SLC25A42: variants seen among roughly 807,000 people sequenced by gnomAD.
SLC25A42 encodes solute carrier family 25 member 42.
A neutral mutation model predicts 34.7 loss-of-function variants in SLC25A42; 19 were observed. The ratio of observed to expected loss-of-function variants is 0.55; its 90% CI spans 0.38 to 0.80. SLC25A42 has a LOEUF of 0.80. Ranked by LOEUF, SLC25A42 falls within the 30% of genes least tolerant of loss-of-function variation. The pLI, the probability that SLC25A42 is intolerant of heterozygous loss-of-function variation, is 0.00. For synonymous variants in SLC25A42, 205 were observed against 191.2 expected (o/e 1.07, Z -0.59); for missense variants, 364 against 441.3 (o/e 0.82, Z 1.57).
intron 2 of SLC25A42, among the ~76,000 whole-genome samples, chr19:19,099,299 TC>T (rs1439505644): frequency 6.6e-6 from 1 of 152,008 alleles, no homozygotes; most frequent in East Asian, 1.9e-4. Flanking sequence ...GTGCAATCTG[TC>T]CCTTTGAGGA....
intron 1 of SLC25A42, among the ~76,000 whole-genome samples, chr19:19,093,825 C>T (rs868012067): frequency 1.3e-5 from 2 of 152,144 alleles, no homozygotes; most frequent in South Asian, 2.1e-4. Flanking sequence ...TTACAGGTGC[C>T]TGCCACCATG....
rs1053291902 is a variant in SLC25A42, at chr19:19,112,641, C to T, written c.*1765C>T. On this transcript the variant is annotated 3_prime_UTR_variant, in exon 8 of 8. Coordinates refer to ENST00000318596, the MANE Select transcript of SLC25A42 (RefSeq NM_178526.5). This position sits in a 1 kb window ranked among gnomAD's most constrained non-coding sequence, Gnocchi z 4.3. ...GGAGGGTCCCCCAGTCCCTGCTGAC[C>T]CCAGTGTGTCTCCCCGGAGATGGCT... 1 of 152,842 alleles carries T rather than the reference C, an allele frequency of 6.5e-6. No homozygotes were observed. The highest frequency in any genetic ancestry group is 3.4e-3 in the Middle Eastern group (1 of 294). 9.5% of individuals were successfully genotyped at this position (152,842 alleles called of 1,614,324 possible).
Position 19,110,633 on chromosome 19 carries a change from C to T in SLC25A42, c.714C>T (p.Leu238=), listed in dbSNP as rs1000466347. 3.4e-5 allele frequency: 52 copies of T among 1,539,070 alleles called. No individual in the cohort carries two copies. Among genetic ancestry groups the T allele is most frequent in the Non-Finnish European group, 4.1e-5 (47 of 1,143,886 alleles). Reference sequence around the variant, plus strand: ...TGATCTTCGGCGCCTGCGCTGGCCTCATCGGGCAGTCGGCCTCGTACCCGC... The same window carrying T: ...TGATCTTCGGCGCCTGCGCTGGCCTTATCGGGCAGTCGGCCTCGTACCCGC... The part of the protein sequence containing the change: ...ERMIFGACAG[L]IGQSASYPLD... Residue 238 remains leucine, a synonymous_variant, in exon 8 of 8, where the codon CTC becomes CTT. Coordinates refer to ENST00000318596, the MANE Select transcript of SLC25A42 (RefSeq NM_178526.5).
intron 1 of SLC25A42, among the ~76,000 whole-genome samples, chr19:19,089,568 A>G (rs1321883809): frequency 2.0e-5 from 3 of 149,870 alleles, no homozygotes; most frequent in Non-Finnish European, 4.4e-5. Context: ...TTATATATAT[A>G]AAAATCAGAT....
Position 19,081,621 on chromosome 19 carries a change from A to G in SLC25A42, c.-34-14470A>G, listed in dbSNP as rs1599670532. On this transcript the variant is annotated intron_variant, in intron 1 of 7. Coordinates refer to ENST00000318596, the MANE Select transcript of SLC25A42 (RefSeq NM_178526.5). The surrounding 1 kb of genome is among the most constrained non-coding windows in gnomAD (Gnocchi z 4.5). ...ATGGGAACTGGGGCTTCCTCCCCGA[A>G]CCCATCCAAGCCTCCCTGTCCCAGG... Among the ~76,000 whole-genome samples the G allele has an allele frequency of 6.6e-6, 1 of 151,904 alleles. No homozygotes were observed.
chr19:19,083,771 C>T (rs569793311), intron 1 of SLC25A42, among the ~76,000 whole-genome samples: 2 of 152,140 alleles, frequency 1.3e-5, no homozygotes, highest in Non-Finnish European at 2.9e-5. Flanking sequence ...GGGTACCTCA[C>T]TCCTGCATAC....
intron 1 of SLC25A42, among the ~76,000 whole-genome samples, chr19:19,074,684 T>TGA (rs892959254): frequency 2.6e-5 from 4 of 152,004 alleles, no homozygotes; most frequent in African/African-American, 9.7e-5. Flanking sequence ...TGTGTGTGTG[T>TGA]GACAGTGTGT....
In SLC25A42 at chr19:19,106,523, T is replaced by C. The variant is rs1215469794; in HGVS notation, c.497+138T>C. ...GTGTCCACAGGGCAGGCCTGATGTG[T>C]CATTCTGCAGCTGTTCCAGAAAGGC... On this transcript the variant is annotated intron_variant, in intron 6 of 7. Transcript: ENST00000318596. 33 of 607,890 alleles carry C rather than the reference T, an allele frequency of 5.4e-5. No homozygotes were observed. The East Asian group carries it at 6.9e-4, about 13-fold the overall frequency. 37.7% of individuals were successfully genotyped at this position (607,890 alleles called of 1,614,324 possible).
chr19:19,092,356 C>T (rs2059742652), intron 1 of SLC25A42, among the ~76,000 whole-genome samples: 1 of 152,234 alleles, frequency 6.6e-6, no homozygotes, highest in Non-Finnish European at 1.5e-5. Flanking sequence ...GCTCTGTCAC[C>T]TGCAGGGCCT....
At chr19:19,074,696 TGAGA>T (rs544605351) in intron 1 of SLC25A42, among the ~76,000 whole-genome samples, 2 of 151,914 alleles carry the variant, frequency 1.3e-5, no homozygotes, top group Admixed American at 6.6e-5. Flanking sequence ...ACAGTGTGTG[TGAGA>T]GAGTGTGTGT....
At chr19:19,066,515 C>G (rs993293633) in intron 1 of SLC25A42, among the ~76,000 whole-genome samples, 9 of 147,762 alleles carry the variant, frequency 6.1e-5, no homozygotes, top group African/African-American at 2.3e-4. Context: ...GTGGCGCGAT[C>G]TCGGCTCACT....
intron 1 of SLC25A42, among the ~76,000 whole-genome samples, chr19:19,089,559 T>C (rs2059727002): frequency 7.1e-6 from 1 of 141,828 alleles, no homozygotes; most frequent in Non-Finnish European, 1.5e-5. Flanking sequence ...AATAATAAAT[T>C]ATATATATAA....
chr19:19,086,636 C>CT (rs1439987535), intron 1 of SLC25A42, among the ~76,000 whole-genome samples: 2 of 151,750 alleles, frequency 1.3e-5, no homozygotes, highest in African/African-American at 4.8e-5. Context: ...GGGGGTTTTG[C>CT]TTTTTTTGTT....
At chr19:19,093,366 C>T (rs1405429675) in intron 1 of SLC25A42, among the ~76,000 whole-genome samples, 1 of 152,184 alleles carries the variant, frequency 6.6e-6, no homozygotes, top group Non-Finnish European at 1.5e-5. Context: ...ACCAAGTTCC[C>T]CGACACCGCA....
Position 19,104,848 on chromosome 19 carries a change from G to A in SLC25A42, c.188-65G>A. 6 of 1,592,874 alleles carry A rather than the reference G, an allele frequency of 3.8e-6. No individual in the cohort carries two copies. In the South Asian group the frequency reaches 5.5e-5, roughly 15 times the overall value. On this transcript the variant is annotated intron_variant, in intron 3 of 7. Transcript: ENST00000318596. ...CTCTGCTAGTGGGTGCCAGGGGTGG[G>A]GCCACGCAGATGGGAGGTTCTGTCC... is the stretch of plus-strand genomic sequence containing the variant.
intron 1 of SLC25A42, among the ~76,000 whole-genome samples, chr19:19,091,275 G>A (rs1222227508): frequency 6.6e-6 from 1 of 152,020 alleles, no homozygotes; most frequent in Non-Finnish European, 1.5e-5. Flanking sequence ...TGGCCAACAT[G>A]GTGAAACCCT....
chr19:19,077,276 C>T (rs1019164331), intron 1 of SLC25A42, among the ~76,000 whole-genome samples: 1 of 152,208 alleles, frequency 6.6e-6, no homozygotes, highest in Non-Finnish European at 1.5e-5. Context: ...AGTACATTCA[C>T]ACTGTTGTGC....
intron 7 of SLC25A42, among the ~76,000 whole-genome samples, chr19:19,108,551 GA>G (rs59371889): frequency 1 from 146,048 of 146,704 alleles, 72,697 homozygotes; most frequent in Middle Eastern, 1. Flanking sequence ...CCTGTCTCAA[GA>G]AAAAAAAAAA....
At chr19:19,105,504 G>A (rs2059821105) in intron 4 of SLC25A42, 57 bp from the exon 5 acceptor site, 1 of 1,574,226 alleles carries the variant, frequency 6.4e-7, no homozygotes, top group Non-Finnish European at 8.7e-7. Flanking sequence ...GGTCACAGAG[G>A]CCCGCAGGGA....
Sources: allele counts gnomAD v4.1 joint callset (sites outside exome capture counted in the v4.1 genomes callset), GRCh38; gene constraint gnomAD v4.1.1; non-coding constraint Gnocchi (gnomAD v3.1); transcripts MANE v1.5; gene names NCBI Gene and HGNC (gene_info 2026-07-23, HGNC 2026-07-21).